SEC24D: variants seen among roughly 807,000 people sequenced by gnomAD.
The protein encoded by SEC24D is SEC24 homolog D, COPII component.
A neutral mutation model predicts 116.9 loss-of-function variants in SEC24D; 69 were observed. The observed-to-expected ratio is 0.59, with a 90% CI of 0.49 to 0.72. The LOEUF (loss-of-function observed/expected upper bound fraction) is 0.72, where lower values mean the gene tolerates loss of function less well. SEC24D is among the 30% of genes least tolerant of loss of function. The pLI, the probability that SEC24D is intolerant of heterozygous loss-of-function variation, is 0.00. For synonymous variants in SEC24D, 405 were observed against 442.8 expected (o/e 0.91, Z 1.07); for missense variants, 1,131 against 1,264.1 (o/e 0.89, Z 1.60).
At chr4:118,820,944 T>C (rs887604235) in intron 3 of SEC24D, among the ~76,000 whole-genome samples, 6 of 152,182 alleles carry the variant, frequency 3.9e-5, no homozygotes, top group Non-Finnish European at 5.9e-5. Flanking sequence ...ATCCTAATCC[T>C]CTGCAGAGTT....
chr4:118,784,795 T>A, intron 8 of SEC24D, among the ~76,000 whole-genome samples: 1 of 132,792 alleles, frequency 7.5e-6, no homozygotes, highest in Non-Finnish European at 1.6e-5. Flanking sequence ...ACTACATACC[T>A]TCCTCTGTGA....
intron 8 of SEC24D, among the ~76,000 whole-genome samples, chr4:118,789,955 G>C (rs1728824335): frequency 1.3e-5 from 2 of 152,154 alleles, no homozygotes; most frequent in South Asian, 4.1e-4. Flanking sequence ...AATTTTCCCA[G>C]AAAATAAGCT....
Position 118,815,688 on chromosome 4 carries a change from G to C in SEC24D, c.436C>G (p.Pro146Ala). Residue 146 changes from proline (P) to alanine (A), a missense_variant, in exon 5 of 23, where the codon CCT becomes GCT. Physicochemically the swap from Pro to Ala is conservative, Grantham distance 27. Coordinates refer to ENST00000280551, the MANE Select transcript of SEC24D (RefSeq NM_014822.4). ...MAPPSQGPPGPLSATSLQTPP... is the reference protein window; with the variant it reads ...MAPPSQGPPGALSATSLQTPP... ...GTCTGCAATGATGTGGCTGACAGAG[G>C]GCCAGGGGGTCCCTGGCTTGGAGGA... is the stretch of plus-strand genomic sequence containing the variant. 3 of 1,614,100 alleles carry C rather than the reference G, an allele frequency of 1.9e-6. No individual in the cohort carries two copies. The highest frequency in any genetic ancestry group is 2.5e-6 in the Non-Finnish European group (3 of 1,180,012).
chr4:118,816,088 A>ATTTTTT (rs34404398), intron 4 of SEC24D, among the ~76,000 whole-genome samples: 3 of 101,310 alleles, frequency 3.0e-5, no homozygotes, highest in Non-Finnish European at 1.9e-5. Context: ...CGCCAAGTTC[A>ATTTTTT]TTTTTTTTTT....
chr4:118,773,946 A>G, intron 8 of SEC24D, among the ~76,000 whole-genome samples: 1 of 152,308 alleles, frequency 6.6e-6, no homozygotes, highest in South Asian at 2.1e-4. Context: ...GAAATGAAAG[A>G]ATATTTTCTG....
At chr4:118,758,201 G>A (rs990662060) in intron 10 of SEC24D, among the ~76,000 whole-genome samples, 1 of 152,142 alleles carries the variant, frequency 6.6e-6, no homozygotes, top group Non-Finnish European at 1.5e-5. Flanking sequence ...CTTACAGGTC[G>A]AAATATGTTT....
chr4:118,764,685 C>A (rs1185293858), intron 10 of SEC24D, 117 bp downstream of exon 10: 12 of 614,124 alleles, frequency 2.0e-5, no homozygotes, highest in Non-Finnish European at 3.4e-5. Flanking sequence ...TTCTACCACT[C>A]CATGGTACCA....
intron 5 of SEC24D, 129 bp from the exon 6 acceptor site, chr4:118,815,284 A>G (rs990870988): frequency 5.1e-6 from 7 of 1,366,642 alleles, no homozygotes; most frequent in African/African-American, 1.5e-5. Flanking sequence ...CAAGGAGTCA[A>G]GTATGAGTGT....
chr4:118,751,984 GCTT>G lies in SEC24D; in HGVS notation c.1707+9_1707+11del. 2 of 1,552,848 alleles carry G rather than the reference GCTT, an allele frequency of 1.3e-6. No individual in the cohort carries two copies. The highest frequency in any genetic ancestry group is 1.8e-6 in the Non-Finnish European group (2 of 1,128,374). Reference sequence around the variant, plus strand: ...ATTTATTTACTAGCAATTAGAAGTGGCTTCTTCTCACCTTTAGTGCTTCCATGC... The same window carrying G: ...ATTTATTTACTAGCAATTAGAAGTGGCTTCTCACCTTTAGTGCTTCCATGC... On this transcript the variant is annotated intron_variant, in intron 13 of 22. Transcript: ENST00000280551.
intron 2 of SEC24D, among the ~76,000 whole-genome samples, chr4:118,832,686 C>T (rs1437319165): frequency 6.6e-6 from 1 of 152,096 alleles, no homozygotes; most frequent in Non-Finnish European, 1.5e-5. Flanking sequence ...TAACTTACTG[C>T]ATAGCATTGT....
intron 9 of SEC24D, among the ~76,000 whole-genome samples, chr4:118,765,728 T>C (rs975015699): frequency 1.3e-5 from 2 of 152,136 alleles, no homozygotes; most frequent in Admixed American, 1.3e-4. Context: ...ACCATACAAA[T>C]AATGCTTCTT....
intron 6 of SEC24D, among the ~76,000 whole-genome samples, chr4:118,810,137 T>TGTGTGTGTGTGTGTGTGTGTGTGTGTGG (rs56961502): frequency 1.9e-5 from 2 of 104,280 alleles, no homozygotes; most frequent in African/African-American, 3.2e-5. Flanking sequence ...TGTGTGTGTG[T>TGTGTGTGTGTGTGTGTGTGTGTGTGTGG]CAGAGGGTAT....
intron 7 of SEC24D, among the ~76,000 whole-genome samples, chr4:118,800,136 C>T (rs58686264): frequency 1.3e-5 from 2 of 151,850 alleles, no homozygotes; most frequent in Admixed American, 6.6e-5. Context: ...GACTGGGGGT[C>T]CACGTGGTGG....
chr4:118,813,092 C>G (rs116516492), intron 6 of SEC24D, among the ~76,000 whole-genome samples: 6,656 of 152,264 alleles, frequency 0.044, 201 homozygotes, highest in Non-Finnish European at 0.064. Context: ...TAAGGATCTT[C>G]AGAGGAGGAG....
At position 118,752,907 on chromosome 4, in the gene SEC24D, G is replaced by C; in HGVS notation, c.1422-19C>G. ...CTCTTCCCTGTAAGGAAAAAAAAAA[G>C]TGTTTGAGATGCTTTATAAATTTAG... is the stretch of plus-strand genomic sequence containing the variant. On this transcript the variant is annotated intron_variant, in intron 11 of 22. Transcript: ENST00000280551. 7.7e-7 allele frequency: 1 copy of C among 1,291,120 alleles called. No homozygotes were observed. Among genetic ancestry groups the C allele is most frequent in the Non-Finnish European group, 1.1e-6 (1 of 928,396 alleles). 80.0% of individuals were successfully genotyped at this position (1,291,120 alleles called of 1,614,324 possible).
At chr4:118,796,106 G>A (rs1297242865) in intron 8 of SEC24D, among the ~76,000 whole-genome samples, 2 of 152,160 alleles carry the variant, frequency 1.3e-5, no homozygotes, top group African/African-American at 2.4e-5. Context: ...CAAAACAAGT[G>A]TAGTTACATG....
intron 7 of SEC24D, 37 bp downstream of exon 7, chr4:118,805,806 T>A (rs1369420049): frequency 7.6e-7 from 1 of 1,315,134 alleles, no homozygotes; most frequent in Admixed American, 2.6e-5. Context: ...TGAGAAATTT[T>A]AAAACCTTAA....
At chr4:118,745,363 C>T (rs981350123) in intron 13 of SEC24D, among the ~76,000 whole-genome samples, 2 of 152,110 alleles carry the variant, frequency 1.3e-5, no homozygotes, top group Non-Finnish European at 1.5e-5. Flanking sequence ...TGTGTTACGA[C>T]GAAATACTTT....
chr4:118,795,861 T>C (rs1421636307), intron 8 of SEC24D, among the ~76,000 whole-genome samples: 2 of 152,202 alleles, frequency 1.3e-5, no homozygotes, highest in East Asian at 3.8e-4. Flanking sequence ...TACATAGGTA[T>C]ACACAGTTGT....
Sources: allele counts gnomAD v4.1 joint callset (sites outside exome capture counted in the v4.1 genomes callset), GRCh38; gene constraint gnomAD v4.1.1; transcripts MANE v1.5; gene names NCBI Gene and HGNC (gene_info 2026-07-23, HGNC 2026-07-21).